SEC24B: variants seen among roughly 807,000 people sequenced by gnomAD.
SEC24B encodes the protein SEC24 homolog B, COPII component.
Under a neutral mutation model 142.8 loss-of-function variants are expected in SEC24B, and 45 were observed. That is an observed-to-expected ratio of 0.32 (90% CI 0.25 to 0.40). The LOEUF (loss-of-function observed/expected upper bound fraction) is 0.40, where lower values mean the gene tolerates loss of function less well. Among genes scored for constraint, SEC24B ranks in the 10% least tolerant of loss-of-function variants. The pLI is 1.00. For synonymous variants in SEC24B, 574 were observed against 568.2 expected, an observed-to-expected ratio of 1.01 and a Z score of -0.15; for missense variants, 1,409 against 1,526.8, an observed-to-expected ratio of 0.92 and a Z score of 1.29.
intron 1 of SEC24B, among the ~76,000 whole-genome samples, chr4:109,452,945 A>C (rs539631644): frequency 3.9e-5 from 6 of 152,238 alleles, no homozygotes; most frequent in Non-Finnish European, 8.8e-5. Context: ...TATTTCACGT[A>C]GGTTCTTTTC....
chr4:109,527,514 T>A, intron 18 of SEC24B, 82 bp downstream of exon 18: 1 of 1,000,306 alleles, frequency 1.0e-6, no homozygotes, highest in Non-Finnish European at 1.5e-6. Flanking sequence ...TGCGTCCGCC[T>A]GTAATCCCAG....
intron 1 of SEC24B, among the ~76,000 whole-genome samples, chr4:109,450,112 C>T (rs1729907691): frequency 6.6e-6 from 1 of 152,072 alleles, no homozygotes; most frequent in African/African-American, 2.4e-5. Context: ...ACTCTGGAGG[C>T]TGAGATGGGA....
At chr4:109,507,656 T>A (rs1736841255) in intron 7 of SEC24B, among the ~76,000 whole-genome samples, 1 of 152,000 alleles carries the variant, frequency 6.6e-6, no homozygotes, top group Admixed American at 6.6e-5. Context: ...TTCTTTTTTT[T>A]ATTTTTGAGA....
intron 18 of SEC24B, among the ~76,000 whole-genome samples, chr4:109,527,953 T>G (rs1402532853): frequency 6.6e-6 from 1 of 152,208 alleles, no homozygotes; most frequent in Non-Finnish European, 1.5e-5. Context: ...TGGTAAAAAC[T>G]GAAATGTCCT....
chr4:109,450,194 C>T (rs952815373), intron 1 of SEC24B, among the ~76,000 whole-genome samples: 13 of 152,032 alleles, frequency 8.6e-5, no homozygotes, highest in Admixed American at 7.9e-4. Context: ...GACTGGGTGA[C>T]AGAGCAAGAC....
chr4:109,460,196 A>G (rs1034439812), intron 1 of SEC24B, among the ~76,000 whole-genome samples: 2 of 152,180 alleles, frequency 1.3e-5, no homozygotes, highest in African/African-American at 4.8e-5. Flanking sequence ...AATATATATT[A>G]CATGACCAGA....
rs186687395 is a variant in SEC24B at position 109,455,007 on chromosome 4, G to A, written c.134-7894G>A. Among the ~76,000 whole-genome samples, 353 of 152,308 alleles carry A rather than the reference G, an allele frequency of 2.3e-3. 3 individuals carry two copies. The highest frequency in any genetic ancestry group is 0.019 in the Admixed American group (291 of 15,298). On this transcript the variant is annotated intron_variant, in intron 1 of 23. Coordinates refer to ENST00000265175, the MANE Select transcript of SEC24B (RefSeq NM_006323.5). ...CAATTATACTTCTGCATGGCTGTCC[G>A]TACTTTGTTGAACCTAAGGATAAAA...
intron 1 of SEC24B, among the ~76,000 whole-genome samples, chr4:109,435,380 TG>T (rs1728311294): frequency 6.6e-6 from 1 of 152,250 alleles, no homozygotes; most frequent in Non-Finnish European, 1.5e-5. Flanking sequence ...TATAAGTTCT[TG>T]TTTTTGTTTG....
At chr4:109,481,497 T>C (rs1181021046) in intron 3 of SEC24B, among the ~76,000 whole-genome samples, 180 bp from the exon 4 acceptor site, 1 of 152,248 alleles carries the variant, frequency 6.6e-6, no homozygotes, top group African/African-American at 2.4e-5. Flanking sequence ...TTTACTAAAC[T>C]GCTTTGCAGA....
At chr4:109,484,184 A>G (rs867348895) in intron 4 of SEC24B, among the ~76,000 whole-genome samples, 5 of 152,214 alleles carry the variant, frequency 3.3e-5, no homozygotes, top group South Asian at 2.1e-4. Context: ...TTAGTCTCCA[A>G]CAGTTCATTA....
intron 1 of SEC24B, among the ~76,000 whole-genome samples, chr4:109,447,986 G>A (rs1338653404): frequency 6.6e-6 from 1 of 152,146 alleles, no homozygotes; most frequent in African/African-American, 2.4e-5. Flanking sequence ...TTCAAAGCCA[G>A]CAACATTGCA....
chr4:109,513,650 G>A (rs1052844641), intron 9 of SEC24B, 97 bp from the exon 10 acceptor site: 9 of 712,102 alleles, frequency 1.3e-5, no homozygotes, highest in African/African-American at 3.6e-5. Context: ...GCTAAACCTC[G>A]TGTAAATATT....
intron 3 of SEC24B, among the ~76,000 whole-genome samples, chr4:109,477,302 A>G (rs1044865012): frequency 1.3e-5 from 2 of 151,840 alleles, no homozygotes; most frequent in Non-Finnish European, 2.9e-5. Flanking sequence ...ATAGCTTACC[A>G]TACTTTTTAT....
intron 4 of SEC24B, among the ~76,000 whole-genome samples, chr4:109,482,630 T>G (rs755427306): frequency 5.3e-5 from 8 of 151,852 alleles, no homozygotes; most frequent in African/African-American, 9.7e-5. Flanking sequence ...ATATATATTT[T>G]TTTATTTTGC....
chr4:109,534,347 G>A (rs1725264736), intron 22 of SEC24B, among the ~76,000 whole-genome samples: 1 of 152,014 alleles, frequency 6.6e-6, no homozygotes, highest in Non-Finnish European at 1.5e-5. Flanking sequence ...AGCACTTAAG[G>A]AGGCAGAGGC....
intron 1 of SEC24B, among the ~76,000 whole-genome samples, chr4:109,458,371 T>G (rs919104688): frequency 6.6e-6 from 1 of 152,222 alleles, no homozygotes. Context: ...CAAATTTGGC[T>G]TCTGGGCCCA....
chr4:109,487,165 C>CAA (rs372133489), intron 4 of SEC24B, among the ~76,000 whole-genome samples: 15 of 54,088 alleles, frequency 2.8e-4, no homozygotes, highest in African/African-American at 6.4e-4. Context: ...GACTCTGTCT[C>CAA]AAAAAAAAAA....
intron 1 of SEC24B, among the ~76,000 whole-genome samples, chr4:109,453,609 C>T (rs866385710): frequency 3.3e-5 from 5 of 152,060 alleles, no homozygotes; most frequent in African/African-American, 9.7e-5. Flanking sequence ...TCCTGAAAAT[C>T]GCTGTTATCC....
At chr4:109,461,236 A>G (rs1048359912) in intron 1 of SEC24B, among the ~76,000 whole-genome samples, 5 of 152,212 alleles carry the variant, frequency 3.3e-5, no homozygotes, top group Non-Finnish European at 7.4e-5. Flanking sequence ...AGATTAATAT[A>G]TAGTCAGTAT....
Sources: allele counts gnomAD v4.1 joint callset (sites outside exome capture counted in the v4.1 genomes callset), GRCh38; gene constraint gnomAD v4.1.1; transcripts MANE v1.5; gene names NCBI Gene and HGNC (gene_info 2026-07-23, HGNC 2026-07-21).